Variants in DCDC1 observed in about 807,000 individuals in gnomAD.
DCDC1 encodes the protein doublecortin domain containing 1, also known as doublecortin domain-containing protein 1.
Under a neutral mutation model 178.3 loss-of-function variants are expected in DCDC1, and 200 were observed. The observed-to-expected ratio is 1.12, with a 90% confidence interval of 1.00 to 1.26. The LOEUF (loss-of-function observed/expected upper bound fraction) is 1.26, where lower values mean the gene tolerates loss of function less well. DCDC1 is among the 50% of genes most tolerant of loss of function. The pLI, the probability that DCDC1 is intolerant of heterozygous loss-of-function variation, is 0.00. For missense variants in DCDC1, 1,983 were observed against 1,749.2 expected (o/e 1.13, Z -2.38); for synonymous variants, 690 against 604.8 (o/e 1.14, Z -2.07).
intron 7 of DCDC1, among the ~76,000 whole-genome samples, chr11:31,277,260 G>A (rs1021125615): frequency 2.6e-4 from 39 of 152,036 alleles, no homozygotes; most frequent in African/African-American, 8.7e-4. Context: ...CACAATGCTC[G>A]TTCCTTTTTA....
intron 23 of DCDC1, among the ~76,000 whole-genome samples, chr11:30,924,860 C>A (rs1946495388): frequency 1.3e-5 from 2 of 152,054 alleles, no homozygotes. Flanking sequence ...ATCACCTGAG[C>A]TCAGGAGTGT....
chr11:31,342,313 G>A (rs554188400), intron 1 of DCDC1, among the ~76,000 whole-genome samples: 10 of 152,292 alleles, frequency 6.6e-5, no homozygotes, highest in African/African-American at 2.2e-4. Context: ...GAATGATCAC[G>A]TGTTTCTCTT....
chr11:31,176,289 A>G (rs1968006220), intron 9 of DCDC1, among the ~76,000 whole-genome samples: 1 of 152,220 alleles, frequency 6.6e-6, no homozygotes, highest in Admixed American at 6.5e-5. Context: ...ATAGCAGGCT[A>G]GAGCAAGCAG....
intron 20 of DCDC1, among the ~76,000 whole-genome samples, chr11:31,052,089 C>G (rs914905886): frequency 4.6e-5 from 7 of 152,154 alleles, no homozygotes; most frequent in African/African-American, 1.7e-4. Flanking sequence ...ACCCTACTAT[C>G]TGCTGCCTTC....
At chr11:30,930,231 G>T (rs1436587055) in intron 22 of DCDC1, among the ~76,000 whole-genome samples, 1 of 152,048 alleles carries the variant, frequency 6.6e-6, no homozygotes. Context: ...ACAACTCTAG[G>T]ATGCCATTCA....
intron 4 of DCDC1, among the ~76,000 whole-genome samples, 167 bp from the exon 5 acceptor site, chr11:31,306,555 T>TAAC (rs1056352609): frequency 6.6e-6 from 1 of 152,006 alleles, no homozygotes; most frequent in Non-Finnish European, 1.5e-5. Context: ...TGTTACAGAG[T>TAAC]AACACTCTCA....
chr11:31,292,866 CA>C (rs1947335533), intron 6 of DCDC1, among the ~76,000 whole-genome samples: 1 of 151,546 alleles, frequency 6.6e-6, no homozygotes, highest in Non-Finnish European at 1.5e-5. Flanking sequence ...AAATCTCTCA[CA>C]GGGGAAAAAA....
intron 20 of DCDC1, among the ~76,000 whole-genome samples, chr11:31,045,527 T>A (rs966592214): frequency 1.3e-5 from 2 of 152,162 alleles, no homozygotes; most frequent in Admixed American, 6.5e-5. Flanking sequence ...CTCCACCTGC[T>A]GTTAGAACCA....
intron 36 of DCDC1, among the ~76,000 whole-genome samples, chr11:30,888,248 C>T (rs1023926878): frequency 3.3e-5 from 5 of 152,116 alleles, no homozygotes; most frequent in African/African-American, 4.8e-5. Flanking sequence ...GGCCTACCTA[C>T]GCATCTTGTA....
chr11:31,334,023 C>T (rs540452599), intron 2 of DCDC1, among the ~76,000 whole-genome samples: 25 of 152,292 alleles, frequency 1.6e-4, no homozygotes, highest in East Asian at 1.5e-3. Context: ...ACCAATCAAA[C>T]GTAGATTTGG....
At chr11:31,141,271 A>C (rs1963793175) in intron 9 of DCDC1, among the ~76,000 whole-genome samples, 1 of 152,184 alleles carries the variant, frequency 6.6e-6, no homozygotes, top group Non-Finnish European at 1.5e-5. Context: ...TCAATTATTA[A>C]TATCTTTAAA....
At position 31,094,095 on chromosome 11, in the gene DCDC1, C is replaced by T. The variant is rs372424479; in HGVS notation, c.2073G>A (p.Ala691=). The change falls in exon 16 of 39, where the codon GCG becomes GCA. Residue 691 remains alanine, a synonymous_variant. Transcript: ENST00000684477. ...GSEASSRSQI[A]PSILWPVASV... is the part of the protein sequence containing the mutation. Reference sequence around the variant, plus strand: ...TGGCTACAGGCCACAGGATCGATGGCGCTATTTGACTCCTGCTGCTTGCTT... The same window carrying T: ...TGGCTACAGGCCACAGGATCGATGGTGCTATTTGACTCCTGCTGCTTGCTT... The T allele has an allele frequency of 6.5e-6, 5 of 766,170 alleles. No homozygotes were observed. The highest frequency in any genetic ancestry group is 1.7e-5 in the Admixed American group (1 of 59,010). The allele number at this position is 766,170 out of a possible 1,614,324, so 47.5% of individuals were successfully genotyped here.
At position 31,328,275 on chromosome 11, in the gene DCDC1, T is replaced by C. The variant is rs377116410; in HGVS notation, c.6A>G (p.Ala2=). 6.4e-7 allele frequency: 1 copy of C among 1,558,830 alleles called. No individual in the cohort carries two copies. The highest frequency in any genetic ancestry group is 1.4e-5 in the African/African-American group (1 of 73,168). Residue 2 remains alanine (A), a synonymous_variant, in exon 3 of 39, where the codon GCA becomes GCG. Coordinates refer to ENST00000684477, the MANE Select transcript of DCDC1 (RefSeq NM_001387274.1). ...CTCTGTGATCTTCTGCTCCTGTTTT[T>C]GCCATTTTCAGCTAAAAATGATAAA... The part of the protein sequence containing the change: M[A]KTGAEDHREA...
At chr11:31,042,675 T>C (rs1954546201) in intron 20 of DCDC1, among the ~76,000 whole-genome samples, 1 of 152,134 alleles carries the variant, frequency 6.6e-6, no homozygotes, top group South Asian at 2.1e-4. Flanking sequence ...ATATCAAACA[T>C]ATCTACAAAA....
chr11:31,329,389 T>G (rs938346827), intron 2 of DCDC1, among the ~76,000 whole-genome samples: 5 of 136,332 alleles, frequency 3.7e-5, no homozygotes, highest in African/African-American at 1.3e-4. Flanking sequence ...GAGTCGGGAT[T>G]TTCCATTTTT....
chr11:31,281,624 A>G (rs1489401937), intron 7 of DCDC1, among the ~76,000 whole-genome samples: 1 of 151,862 alleles, frequency 6.6e-6, no homozygotes, highest in Admixed American at 6.6e-5. Context: ...CTTGAATTGT[A>G]CTCCCATAAT....
At chr11:31,045,507 T>G (rs1477432473) in intron 20 of DCDC1, among the ~76,000 whole-genome samples, 1 of 152,114 alleles carries the variant, frequency 6.6e-6, no homozygotes, top group African/African-American at 2.4e-5. Context: ...ATTAGAAGTA[T>G]GCTAAATACC....
rs963175824 is a variant in DCDC1 at position 31,171,019 on chromosome 11, G to C, written c.1222-33235C>G. ...AATTTTGTATTTTTAGTAGAGACAG[G>C]GTTTCTCCATGTTGGCCAGGCTGGT... On this transcript the variant is annotated intron_variant, in intron 9 of 38. Coordinates refer to ENST00000684477, the MANE Select transcript of DCDC1 (RefSeq NM_001387274.1). Among the ~76,000 whole-genome samples, 4 of 152,060 alleles carry C rather than the reference G, an allele frequency of 2.6e-5. No homozygotes were observed. The South Asian group carries it at 6.2e-4, about 24-fold the overall frequency.
intron 7 of DCDC1, among the ~76,000 whole-genome samples, chr11:31,286,789 C>G (rs778690728): frequency 6.6e-6 from 1 of 152,090 alleles, no homozygotes; most frequent in Admixed American, 6.6e-5. Flanking sequence ...CCACATCAAC[C>G]AGTCAGGCAA....
Sources: allele counts gnomAD v4.1 joint callset (sites outside exome capture counted in the v4.1 genomes callset), GRCh38; gene constraint gnomAD v4.1.1; transcripts MANE v1.5; gene names NCBI Gene and HGNC (gene_info 2026-07-23, HGNC 2026-07-21).